HPSE2: variants seen among roughly 807,000 people sequenced by gnomAD.
The protein encoded by HPSE2 is heparanase 2 (inactive).
A neutral mutation model predicts 60.5 loss-of-function variants in HPSE2; 38 were observed. The ratio of observed to expected loss-of-function variants is 0.63; its 90% CI spans 0.48 to 0.82. HPSE2 has a LOEUF of 0.82. Ranked by LOEUF, HPSE2 falls within the 40% of genes least tolerant of loss-of-function variation. HPSE2 has a pLI of 0.00. For missense variants in HPSE2, 713 were observed against 740.4 expected (o/e 0.96, Z 0.43); for synonymous variants, 295 against 293.2 (o/e 1.01, Z -0.06).
intron 3 of HPSE2, among the ~76,000 whole-genome samples, chr10:99,073,229 T>C (rs1441444203): frequency 2.0e-5 from 3 of 152,154 alleles, no homozygotes; most frequent in African/African-American, 2.4e-5. Flanking sequence ...CCATTCAAAA[T>C]GCCCATCAAT....
chr10:98,603,324 T>G (rs998628706), intron 9 of HPSE2, among the ~76,000 whole-genome samples: 1 of 152,132 alleles, frequency 6.6e-6, no homozygotes, highest in African/African-American at 2.4e-5. Context: ...GAGTTTTACC[T>G]CCAGGAGCTC....
At chr10:99,069,651 T>G (rs1333632724) in intron 3 of HPSE2, among the ~76,000 whole-genome samples, 3 of 151,216 alleles carry the variant, frequency 2.0e-5, no homozygotes, top group African/African-American at 7.3e-5. Flanking sequence ...TTCTTCACAG[T>G]TGTGAGTGAT....
intron 3 of HPSE2, among the ~76,000 whole-genome samples, chr10:98,964,230 C>A (rs1955756883): frequency 6.6e-6 from 1 of 152,008 alleles, no homozygotes; most frequent in Non-Finnish European, 1.5e-5. Flanking sequence ...TTTCTCCTTC[C>A]CTTTTCATGA....
chr10:99,230,002 G>A (rs1021556072), intron 2 of HPSE2, among the ~76,000 whole-genome samples: 1 of 152,184 alleles, frequency 6.6e-6, no homozygotes, highest in Non-Finnish European at 1.5e-5. Flanking sequence ...GGTAATTTAA[G>A]GATATGTGAG....
chr10:98,931,713 T>G (rs1954645264), intron 3 of HPSE2, among the ~76,000 whole-genome samples: 1 of 143,704 alleles, frequency 7.0e-6, no homozygotes, highest in African/African-American at 2.8e-5. Flanking sequence ...CTAGGTATTT[T>G]ATTCTCTTTG....
intron 9 of HPSE2, among the ~76,000 whole-genome samples, chr10:98,612,969 G>A (rs142666242): frequency 2.6e-5 from 4 of 152,000 alleles, no homozygotes; most frequent in Admixed American, 1.3e-4. Flanking sequence ...TTGTGTTTCC[G>A]CAAACGTGCC....
intron 9 of HPSE2, among the ~76,000 whole-genome samples, chr10:98,501,987 C>A (rs113203098): frequency 6.0e-5 from 9 of 151,024 alleles, no homozygotes; most frequent in Non-Finnish European, 8.9e-5. Context: ...ATATACCTAA[C>A]CAAGGAAGTG....
intron 9 of HPSE2, among the ~76,000 whole-genome samples, chr10:98,593,152 T>A (rs779295342): frequency 1.7e-4 from 26 of 152,198 alleles, no homozygotes; most frequent in Non-Finnish European, 3.2e-4. Flanking sequence ...GAAAAATTGA[T>A]CCATCTATTT....
intron 3 of HPSE2, among the ~76,000 whole-genome samples, chr10:98,748,792 C>T (rs560977595): frequency 6.6e-6 from 1 of 152,058 alleles, no homozygotes; most frequent in African/African-American, 2.4e-5. Flanking sequence ...GATATGCAGT[C>T]TTAAGGAACC....
At chr10:98,996,317 G>A (rs1369342222) in intron 3 of HPSE2, among the ~76,000 whole-genome samples, 1 of 152,080 alleles carries the variant, frequency 6.6e-6, no homozygotes, top group Non-Finnish European at 1.5e-5. Flanking sequence ...AACACTAAGC[G>A]CCCATTAGAA....
chr10:98,957,935 C>T (rs1955550586), intron 3 of HPSE2, among the ~76,000 whole-genome samples: 2 of 152,166 alleles, frequency 1.3e-5, no homozygotes, highest in African/African-American at 4.8e-5. Flanking sequence ...CCTTCGGATT[C>T]GCCCAGATTT....
intron 3 of HPSE2, among the ~76,000 whole-genome samples, chr10:98,808,076 T>A (rs1951083235): frequency 6.6e-6 from 1 of 152,212 alleles, no homozygotes; most frequent in Non-Finnish European, 1.5e-5. Context: ...TTGAGATTTT[T>A]CACAAGCTCC....
intron 2 of HPSE2, among the ~76,000 whole-genome samples, chr10:99,224,388 T>C (rs1849405830): frequency 6.7e-6 from 1 of 149,912 alleles, no homozygotes; most frequent in African/African-American, 2.5e-5. Flanking sequence ...AATTCTCTCA[T>C]TCTCATATTC....
intron 3 of HPSE2, among the ~76,000 whole-genome samples, chr10:98,999,788 T>C (rs1050848645): frequency 1.6e-4 from 25 of 152,154 alleles, no homozygotes; most frequent in African/African-American, 5.3e-4. Flanking sequence ...ACTCCAAAGA[T>C]AGGCCTGGAC....
chr10:98,870,675 A>G (rs1952708250), intron 3 of HPSE2, among the ~76,000 whole-genome samples: 1 of 152,180 alleles, frequency 6.6e-6, no homozygotes, highest in Non-Finnish European at 1.5e-5. Flanking sequence ...AAGTGACCTT[A>G]GGAAAGTGAT....
At chr10:98,866,733 A>C (rs1952596421) in intron 3 of HPSE2, among the ~76,000 whole-genome samples, 1 of 151,768 alleles carries the variant, frequency 6.6e-6, no homozygotes, top group Admixed American at 6.6e-5. Context: ...AATAAAACAA[A>C]CAACAACAAG....
At chr10:98,852,633 T>C (rs1952208948) in intron 3 of HPSE2, among the ~76,000 whole-genome samples, 1 of 152,226 alleles carries the variant, frequency 6.6e-6, no homozygotes. Context: ...TATTAGATCA[T>C]ACTCTTTTTG....
At chr10:98,619,452 G>A (rs1035267949) in intron 8 of HPSE2, among the ~76,000 whole-genome samples, 2 of 152,114 alleles carry the variant, frequency 1.3e-5, no homozygotes, top group Non-Finnish European at 2.9e-5. Flanking sequence ...TAAAGTCAAA[G>A]TTTTAAAACA....
intron 3 of HPSE2, among the ~76,000 whole-genome samples, chr10:98,778,360 T>C (rs748153932): frequency 6.6e-6 from 1 of 151,328 alleles, no homozygotes; most frequent in Non-Finnish European, 1.5e-5. Context: ...CAACTAGGTT[T>C]CTCTTACGAA....
Sources: gnomAD v4.1 joint callset for allele counts (sites outside exome capture counted in the v4.1 genomes callset) on GRCh38, gnomAD v4.1.1 for gene constraint, MANE v1.5 for transcripts, NCBI Gene and HGNC (gene_info 2026-07-23, HGNC 2026-07-21) for gene names.